The following ROBO2 variants were observed in gnomAD, a reference collection of about 807,000 sequenced individuals.
The protein encoded by ROBO2 is roundabout homolog 2.
Under a neutral mutation model 160.8 loss-of-function variants are expected in ROBO2, and 53 were observed. The observed-to-expected ratio is 0.33, with a 90% CI of 0.26 to 0.41. The LOEUF is 0.41. ROBO2 is among the 10% of genes least tolerant of loss of function. The pLI is 1.00. For missense variants in ROBO2, 1,577 were observed against 1,722.4 expected, an observed-to-expected ratio of 0.92 and a Z score of 1.49; for synonymous variants, 664 against 611.7, an observed-to-expected ratio of 1.09 and a Z score of -1.26.
intron 2 of ROBO2, among the ~76,000 whole-genome samples, chr3:76,633,902 C>G (rs1413149472): frequency 3.3e-5 from 5 of 152,182 alleles, no homozygotes; most frequent in South Asian, 2.1e-4. Flanking sequence ...CCCCAACAAG[C>G]GTTACTGACT....
chr3:76,213,838 G>A (rs1259053450), intron 2 of ROBO2, among the ~76,000 whole-genome samples: 1 of 152,106 alleles, frequency 6.6e-6, no homozygotes, highest in Non-Finnish European at 1.5e-5. Context: ...ACAGAGAATA[G>A]CAATGTTGGA....
intron 2 of ROBO2, among the ~76,000 whole-genome samples, chr3:76,424,317 A>G (rs2076120953): frequency 6.6e-6 from 1 of 152,228 alleles, no homozygotes; most frequent in Non-Finnish European, 1.5e-5. Flanking sequence ...AGTGTTATTA[A>G]CAATGTTTAT....
intron 2 of ROBO2, among the ~76,000 whole-genome samples, chr3:77,299,213 C>T (rs962033515): frequency 6.6e-6 from 1 of 151,934 alleles, no homozygotes; most frequent in African/African-American, 2.4e-5. Flanking sequence ...AAATATTAGT[C>T]TACATATGTT....
chr3:76,163,502 ATATAT>A (rs900900290), intron 2 of ROBO2, among the ~76,000 whole-genome samples: 5 of 148,990 alleles, frequency 3.4e-5, no homozygotes, highest in African/African-American at 7.3e-5. Flanking sequence ...ACTGTGTATT[ATATAT>A]TATATTTATA....
At chr3:77,327,686 A>G (rs1220000897) in intron 2 of ROBO2, among the ~76,000 whole-genome samples, 1 of 152,176 alleles carries the variant, frequency 6.6e-6, no homozygotes, top group African/African-American at 2.4e-5. Context: ...GTTCCTGGAT[A>G]TTAGACACAT....
intron 2 of ROBO2, among the ~76,000 whole-genome samples, chr3:76,279,464 C>A (rs780752406): frequency 1.3e-5 from 2 of 151,706 alleles, no homozygotes; most frequent in African/African-American, 2.4e-5. Flanking sequence ...CTATGGCAAG[C>A]GAAAAGTTAC....
chr3:77,165,762 T>C (rs1385464613), intron 2 of ROBO2, among the ~76,000 whole-genome samples: 2 of 152,118 alleles, frequency 1.3e-5, no homozygotes, highest in African/African-American at 4.8e-5. Flanking sequence ...GATTGTGAAA[T>C]AGACCATGAA....
intron 2 of ROBO2, among the ~76,000 whole-genome samples, chr3:76,968,487 A>G (rs1000211918): frequency 6.6e-6 from 1 of 152,140 alleles, no homozygotes; most frequent in Non-Finnish European, 1.5e-5. Context: ...TATAATCAAT[A>G]GTTAAGTTAT....
intron 2 of ROBO2, among the ~76,000 whole-genome samples, chr3:76,105,488 A>T (rs1293493957): frequency 6.6e-6 from 1 of 152,078 alleles, no homozygotes. Flanking sequence ...GTATCCCTAG[A>T]TGATATATTT....
intron 2 of ROBO2, among the ~76,000 whole-genome samples, chr3:77,161,201 CATT>C (rs2078458524): frequency 6.6e-6 from 1 of 152,148 alleles, no homozygotes; most frequent in Non-Finnish European, 1.5e-5. Context: ...GAGAAAAACA[CATT>C]ATGACCGTAA....
At chr3:77,297,753 G>C (rs1256186631) in intron 2 of ROBO2, among the ~76,000 whole-genome samples, 4 of 152,138 alleles carry the variant, frequency 2.6e-5, no homozygotes, top group Non-Finnish European at 4.4e-5. Flanking sequence ...TTAACACTCA[G>C]AGGTTTTACA....
chr3:76,866,580 TC>T, intron 2 of ROBO2, among the ~76,000 whole-genome samples: 1 of 152,274 alleles, frequency 6.6e-6, no homozygotes, highest in Middle Eastern at 3.4e-3. Context: ...TATCCAAGAC[TC>T]CAGCCCTTGA....
At chr3:76,823,967 T>C (rs928043156) in intron 2 of ROBO2, among the ~76,000 whole-genome samples, 1 of 152,172 alleles carries the variant, frequency 6.6e-6, no homozygotes, top group African/African-American at 2.4e-5. Context: ...AAAAGTTTGC[T>C]TGTAAAACAG....
intron 2 of ROBO2, among the ~76,000 whole-genome samples, chr3:77,159,454 C>A (rs1445510924): frequency 6.6e-6 from 1 of 151,986 alleles, no homozygotes; most frequent in Non-Finnish European, 1.5e-5. Context: ...TGGCAGTAGT[C>A]CTTGCAGTCC....
chr3:76,096,472 G>A (rs1465178598), intron 2 of ROBO2, among the ~76,000 whole-genome samples: 1 of 152,144 alleles, frequency 6.6e-6, no homozygotes, highest in Non-Finnish European at 1.5e-5. Context: ...TCAAAGGTAA[G>A]TAACACAGAG....
At chr3:77,611,579 A>G (rs2094643871) in intron 21 of ROBO2, among the ~76,000 whole-genome samples, 1 of 152,168 alleles carries the variant, frequency 6.6e-6, no homozygotes, top group African/African-American at 2.4e-5. Context: ...GCTAATGGTA[A>G]TCATCACCCT....
At chr3:77,558,565 A>G (rs1224691110) in intron 9 of ROBO2, among the ~76,000 whole-genome samples, 1 of 152,106 alleles carries the variant, frequency 6.6e-6, no homozygotes, top group Non-Finnish European at 1.5e-5. Context: ...AGAAAAATAA[A>G]GAGATGAGAC....
intron 2 of ROBO2, among the ~76,000 whole-genome samples, chr3:76,034,957 A>G (rs2067054564): frequency 6.6e-6 from 1 of 151,542 alleles, no homozygotes; most frequent in Non-Finnish European, 1.5e-5. Context: ...TTACTCTCCC[A>G]CCTCCCAGAA....
chr3:76,999,826 A>T (rs2061241066), intron 2 of ROBO2, among the ~76,000 whole-genome samples: 1 of 152,172 alleles, frequency 6.6e-6, no homozygotes, highest in African/African-American at 2.4e-5. Flanking sequence ...TTTCCAATTT[A>T]GTATAGAAAC....
Sources: gnomAD v4.1 joint callset for allele counts (sites outside exome capture counted in the v4.1 genomes callset) on GRCh38, gnomAD v4.1.1 for gene constraint, MANE v1.5 for transcripts, NCBI Gene and HGNC (gene_info 2026-07-23, HGNC 2026-07-21) for gene names.